COG8: variants seen among roughly 807,000 people sequenced by gnomAD.
The protein encoded by COG8 is conserved oligomeric Golgi complex subunit 8.
Under a neutral mutation model 46.5 loss-of-function variants are expected in COG8, and 45 were observed. That is an observed-to-expected ratio of 0.97 (90% confidence interval 0.76 to 1.24). COG8 has a LOEUF of 1.24. COG8 is among the 50% of genes most tolerant of loss of function. The pLI is 0.00. For missense variants in COG8, 793 were observed against 820.8 expected (o/e 0.97, Z 0.41); for synonymous variants, 407 against 347.8 (o/e 1.17, Z -1.90).
intron 3 of COG8, 97 bp downstream of exon 3, chr16:69,334,424 A>T: frequency 9.2e-7 from 1 of 1,090,298 alleles, no homozygotes; most frequent in African/African-American, 1.6e-5. Flanking sequence ...TCTCCATGTC[A>T]GCAGACACCG....
chr16:69,332,548 C>T (rs576237434), intron 4 of COG8, 166 bp downstream of exon 4: 32 of 735,196 alleles, frequency 4.4e-5, no homozygotes, highest in East Asian at 3.2e-4. Flanking sequence ...AGGATGCTGT[C>T]GAGGAATGAC....
At position 69,331,003 on chromosome 16, in the gene COG8, T is replaced by C; in HGVS notation, c.1675A>G (p.Arg559Gly). ...QEPLAFILPK[R>G]ETLFTLDDQA... The stretch of plus-strand genomic sequence containing the variant: ...TCATCCAGGGTGAAAAGCGTCTCTC[T>C]CTTTGGCAGGATAAAGGCGAGGGGC... Residue 559 changes from arginine (R) to glycine (G), a missense_variant, in exon 5 of 6, where the codon AGA (arginine) becomes GGA (glycine). By Grantham distance (125) the Arg-to-Gly change is moderately radical. Coordinates refer to ENST00000306875, the MANE Select transcript of COG8 (RefSeq NM_032382.5). 1 of 1,611,720 alleles carries C rather than the reference T, an allele frequency of 6.2e-7. No individual in the cohort carries two copies. The highest frequency in any genetic ancestry group is 8.5e-7 in the Non-Finnish European group (1 of 1,179,230).
intron 5 of COG8, chr16:69,330,201 C>T: frequency 6.9e-7 from 1 of 1,457,206 alleles, no homozygotes; most frequent in Non-Finnish European, 9.0e-7. Context: ...AGCTCCAGCG[C>T]CAGCACCTGC....
chr16:69,339,222 G>A lies in COG8; in HGVS notation c.331C>T (p.Leu111Phe), dbSNP rs771631963. 1 of 1,612,854 alleles carries A rather than the reference G, an allele frequency of 6.2e-7. No individual in the cohort carries two copies. Among genetic ancestry groups the A allele is most frequent in the East Asian group, 2.2e-5 (1 of 44,874 alleles). Residue 111 changes from leucine (L) to phenylalanine (F), a missense_variant, in exon 1 of 6, where the codon CTC becomes TTC. Coordinates refer to ENST00000306875, the MANE Select transcript of COG8 (RefSeq NM_032382.5). The stretch of plus-strand genomic sequence containing the variant: ...GGCAAACGGTCGAGCAGGCGGCCGA[G>A]CGACGCCTCCACGTCGCCAAACAGG... ...HRLFGDVEASLGRLLDRLPSF... is the reference protein window; with the variant it reads ...HRLFGDVEASFGRLLDRLPSF...
In COG8 at chr16:69,339,427, C is replaced by T; in HGVS notation, c.126G>A (p.Glu42=). The change falls in exon 1 of 6, where the codon GAG becomes GAA. Residue 42 remains glutamate, a synonymous_variant. Coordinates refer to ENST00000306875, the MANE Select transcript of COG8 (RefSeq NM_032382.5). ...GGAGGTAGCGGCCCACATCGGGCCG[C>T]TCGCGCCACTGGGCCTCGGGGAAGC... is the stretch of plus-strand genomic sequence containing the variant. ...RDRFPEAQWR[E]RPDVGRYLRE... is the part of the protein sequence containing the mutation. 6.3e-7 allele frequency: 1 copy of T among 1,585,544 alleles called. No homozygotes were observed. Among genetic ancestry groups the T allele is most frequent in the Non-Finnish European group, 8.5e-7 (1 of 1,171,330 alleles).
intron 1 of COG8, among the ~76,000 whole-genome samples, chr16:69,338,758 G>A (rs1158059918): frequency 2.0e-5 from 3 of 152,226 alleles, no homozygotes; most frequent in African/African-American, 7.2e-5. Flanking sequence ...GGGAGGCCGA[G>A]GCGGACAGAT....
chr16:69,338,884 G>A (rs2142660456), intron 1 of COG8, among the ~76,000 whole-genome samples: 1 of 152,322 alleles, frequency 6.6e-6, no homozygotes, highest in Non-Finnish European at 1.5e-5. Flanking sequence ...CTGCTACTCA[G>A]GAGGCTGAGG....
chr16:69,339,157 A>G lies in COG8; in HGVS notation c.377+19T>C, dbSNP rs1162758007. 10 of 1,612,792 alleles carry G rather than the reference A, an allele frequency of 6.2e-6. No individual in the cohort carries two copies. In the African/African-American group the frequency reaches 1.3e-4, roughly 22 times the overall value. ...GCTTTTACAGTTATAAAACCCCTTT[A>G]GCGCCAGGCGCGTCGCACCTGCAGC... On this transcript the variant is annotated intron_variant, in intron 1 of 5. Coordinates refer to ENST00000306875, the MANE Select transcript of COG8 (RefSeq NM_032382.5).
Position 69,330,640 on chromosome 16 carries a change from T to C in COG8, c.*26+173A>G, listed in dbSNP as rs1422480646. ...GCGCGGGGCACGCCGGGAAGCGCCG[T>C]CGGCCAGCACACAGCGAAGCCGCGA... is the stretch of plus-strand genomic sequence containing the variant. On this transcript the variant is annotated intron_variant, in intron 5 of 5. Transcript: ENST00000306875. 1.1e-5 allele frequency: 15 copies of C among 1,402,650 alleles called. No individual in the cohort carries two copies. In the African/African-American group the frequency reaches 2.3e-4, roughly 21 times the overall value. The allele number at this position is 1,402,650 out of a possible 1,614,324, so 86.9% of individuals were successfully genotyped here. A position where few individuals can be genotyped will look rare whatever the true frequency, so the allele number is the denominator to read the frequency against.
chr16:69,339,169 G>A lies in COG8; in HGVS notation c.377+7C>T, dbSNP rs888672913. 5.0e-6 allele frequency: 8 copies of A among 1,612,898 alleles called. No individual in the cohort carries two copies. Among genetic ancestry groups the A allele is most frequent in the Non-Finnish European group, 5.9e-6 (7 of 1,179,880 alleles). The stretch of plus-strand genomic sequence containing the variant: ...ATAAAACCCCTTTAGCGCCAGGCGC[G>A]TCGCACCTGCAGCTCTGCTGGAAGC... On this transcript the variant is annotated splice_region_variant and intron_variant, in intron 1 of 5. Transcript: ENST00000306875.
intron 1 of COG8, among the ~76,000 whole-genome samples, chr16:69,338,017 C>T (rs2012302319): frequency 6.6e-6 from 1 of 152,126 alleles, no homozygotes; most frequent in African/African-American, 2.4e-5. Context: ...CAGGTGTGAG[C>T]CACCGCACCC....
rs763394723 is a variant in COG8, at chr16:69,328,977, G to C, written c.*229C>G. On this transcript the variant is annotated 3_prime_UTR_variant, in exon 6 of 6. Transcript: ENST00000306875. The stretch of plus-strand genomic sequence containing the variant: ...GATTTGCCCAGCTCAAAGTGAAAGT[G>C]TTTGCGTCTTGGTATCCGGAATCCT... The C allele has an allele frequency of 6.3e-7, 1 of 1,584,278 alleles. No homozygotes were observed.
chr16:69,330,280 T>C (rs1178377650), intron 5 of COG8: 25 of 1,434,138 alleles, frequency 1.7e-5, no homozygotes, highest in Non-Finnish European at 2.0e-5. Context: ...GGACCAGCCG[T>C]TGCGTCAGCC....
chr16:69,329,208 T>A (rs892008592), intron 5 of COG8, 29 bp from the exon 6 acceptor site: 13 of 1,552,786 alleles, frequency 8.4e-6, no homozygotes, highest in Non-Finnish European at 1.1e-5. Flanking sequence ...CCCTGGTGAG[T>A]GGGAACAGCT....
chr16:69,332,380 C>G (rs1654467514), intron 4 of COG8, among the ~76,000 whole-genome samples: 1 of 152,098 alleles, frequency 6.6e-6, no homozygotes, highest in South Asian at 2.1e-4. Flanking sequence ...AACCATTTCT[C>G]TAGATATTTC....
chr16:69,339,280 G>C lies in COG8; in HGVS notation c.273C>G (p.Ile91Met). The change falls in exon 1 of 6, where the codon ATC becomes ATG. Residue 91 changes from isoleucine to methionine, a missense_variant. Transcript: ENST00000306875. ...DLAFANYKTF[I>M]RGAECTERIH... The stretch of plus-strand genomic sequence containing the variant: ...TGCGCTCGGTGCACTCGGCGCCGCG[G>C]ATGAAGGTCTTGTAGTTAGCGAAGG... 6.2e-7 allele frequency: 1 copy of C among 1,612,502 alleles called. No individual in the cohort carries two copies. Among genetic ancestry groups the C allele is most frequent in the Non-Finnish European group, 8.5e-7 (1 of 1,179,738 alleles).
chr16:69,330,587 G>A lies in COG8; in HGVS notation c.*26+226C>T, dbSNP rs1232962494. 7 of 1,440,782 alleles carry A rather than the reference G, an allele frequency of 4.9e-6. No homozygotes were observed. The East Asian group carries it at 1.7e-4, about 35-fold the overall frequency. The allele number at this position is 1,440,782 out of a possible 1,614,324, so 89.2% of individuals were successfully genotyped here. ...CCGGGCCATGGCGGCCCCCTTAACA[G>A]TGACCCGGCCCGCCCCTTCCGGCCG... On this transcript the variant is annotated intron_variant, in intron 5 of 5. Coordinates refer to ENST00000306875, the MANE Select transcript of COG8 (RefSeq NM_032382.5).
In COG8 at chr16:69,329,309, G is replaced by T. The variant is rs1295775362; in HGVS notation, c.*27-130C>A. ...CAACAGCAGATGGCAAATGTAGACA[G>T]CAGCTCCTCTTCTAACTGGAAAACG... On this transcript the variant is annotated intron_variant, in intron 5 of 5. Coordinates refer to ENST00000306875, the MANE Select transcript of COG8 (RefSeq NM_032382.5). The T allele has an allele frequency of 9.4e-6, 9 of 955,926 alleles. No homozygotes were observed. In the South Asian group the frequency reaches 1.6e-4, roughly 17 times the overall value. 59.2% of individuals were successfully genotyped at this position (955,926 alleles called of 1,614,324 possible). A position where few individuals can be genotyped will look rare whatever the true frequency, so the allele number is the denominator to read the frequency against.
intron 4 of COG8, among the ~76,000 whole-genome samples, chr16:69,332,040 G>T (rs1313390138): frequency 6.6e-6 from 1 of 152,074 alleles, no homozygotes; most frequent in Non-Finnish European, 1.5e-5. Context: ...AAAGGGACAA[G>T]GACGTGAAAG....
Sources: gnomAD v4.1 joint callset for allele counts (sites outside exome capture counted in the v4.1 genomes callset) on GRCh38, gnomAD v4.1.1 for gene constraint, MANE v1.5 for transcripts, NCBI Gene and HGNC (gene_info 2026-07-23, HGNC 2026-07-21) for gene names.